Variants in LRP1 observed in about 807,000 individuals in gnomAD.
LRP1 encodes LDL receptor related protein 1, also known as prolow-density lipoprotein receptor-related protein 1.
In LRP1, 51 loss-of-function variants were observed where a neutral mutation model predicts 541.5. That is an observed-to-expected ratio of 0.09 (90% CI 0.08 to 0.12). LRP1 has a LOEUF of 0.12. LRP1 is among the 10% of genes least tolerant of loss of function. LRP1 has a pLI of 1.00. For missense variants in LRP1, 3,878 were observed against 6,376.2 expected (o/e 0.61, Z 13.34); for synonymous variants, 2,219 against 2,470.8 (o/e 0.90, Z 3.02).
In LRP1 at chr12:57,162,495, T is replaced by C; in HGVS notation, c.2381T>C (p.Met794Thr). The change falls in exon 14 of 89, where the codon ATG becomes ACG. Residue 794 changes from methionine (M) to threonine (T), a missense_variant. By Grantham distance (81) the Met-to-Thr change is moderately conservative (BLOSUM62 -1). Transcript: ENST00000243077. This position sits in a 1 kb window ranked among gnomAD's most constrained non-coding sequence, Gnocchi z 5.2. The stretch of plus-strand genomic sequence containing the variant: ...CGGCCCCCCATCTTTGAGATCCGAA[T>C]GTATGATGCCCAGCAGCAGCAAGGT... ...SERPPIFEIR[M>T]YDAQQQQVGT... 1 of 1,613,898 alleles carries C rather than the reference T, an allele frequency of 6.2e-7. No homozygotes were observed. Among genetic ancestry groups the C allele is most frequent in the Non-Finnish European group, 8.5e-7 (1 of 1,179,998 alleles).
Position 57,175,945 on chromosome 12 carries a change from A to G in LRP1, c.3830A>G (p.His1277Arg). ...CCGTTCATCATTTTCTCCAACCGCC[A>G]TGAAATCCGGCGCATCGATCTTCAC... The part of the protein sequence containing the change: ...FKPFIIFSNR[H>R]EIRRIDLHKG... The change falls in exon 24 of 89, where the codon CAT (histidine) becomes CGT (arginine). Residue 1277 changes from histidine to arginine, a missense_variant. Around this residue, in one of 13 missense-constraint regions of LRP1, gnomAD observed 320 missense variants for 547.9 expected, o/e 0.58. Coordinates refer to ENST00000243077, the MANE Select transcript of LRP1 (RefSeq NM_002332.3). The G allele has an allele frequency of 6.2e-7, 1 of 1,614,186 alleles. No individual in the cohort carries two copies. Among genetic ancestry groups the G allele is most frequent in the East Asian group, 2.2e-5 (1 of 44,884 alleles).
intron 24 of LRP1, among the ~76,000 whole-genome samples, chr12:57,176,709 A>G (rs995449183): frequency 1.6e-4 from 25 of 152,360 alleles, no homozygotes; most frequent in African/African-American, 6.0e-4. Context: ...GATGATATCC[A>G]CACTGTGCAA....
At chr12:57,198,031 C>G in intron 58 of LRP1, 125 bp from the exon 59 acceptor site, 1 of 774,316 alleles carries the variant, frequency 1.3e-6, no homozygotes, top group South Asian at 1.8e-5. Flanking sequence ...TTCCATGGTT[C>G]TCCCACCAGA....
rs543142394 is a variant in LRP1, at chr12:57,211,244, C to T, written c.12985C>T (p.Arg4329Cys). The T allele has an allele frequency of 4.3e-5, 69 of 1,614,224 alleles. No individual in the cohort carries two copies. Among genetic ancestry groups the T allele is most frequent in the Non-Finnish European group, 5.6e-5 (66 of 1,180,050 alleles). ...GGCTGCTGATGGCTCCCGACAATGC[C>T]GCTGCACTGCCTACTTTGAGGGATC... ...QMAADGSRQC[R>C]CTAYFEGSRC... is the part of the protein sequence containing the mutation. The change falls in exon 84 of 89, where the codon CGC (arginine) becomes TGC (cysteine). Residue 4329 changes from arginine to cysteine, a missense_variant. This residue lies in a region of LRP1 where 871 missense variants were observed against 1,212.4 expected (regional missense o/e 0.72). Coordinates refer to ENST00000243077, the MANE Select transcript of LRP1 (RefSeq NM_002332.3). This position sits in a 1 kb window ranked among gnomAD's most constrained non-coding sequence, Gnocchi z 4.3.
intron 1 of LRP1, among the ~76,000 whole-genome samples, chr12:57,137,297 G>A (rs1321826227): frequency 6.6e-6 from 1 of 152,022 alleles, no homozygotes; most frequent in Non-Finnish European, 1.5e-5. Flanking sequence ...TCCTCCTTGG[G>A]GGATGAGGGA....
chr12:57,170,833 T>TA (rs370513144), intron 20 of LRP1, among the ~76,000 whole-genome samples: 7 of 151,596 alleles, frequency 4.6e-5, no homozygotes, highest in Non-Finnish European at 1.0e-4. Context: ...AAAAAAAGTT[T>TA]AAAAAAAACT....
intron 19 of LRP1, among the ~76,000 whole-genome samples, chr12:57,168,823 C>G (rs906926304): frequency 3.3e-5 from 5 of 152,208 alleles, no homozygotes; most frequent in African/African-American, 1.2e-4. Context: ...GCCTTTCCCC[C>G]AAAAGCAAGC....
intron 2 of LRP1, among the ~76,000 whole-genome samples, chr12:57,139,198 CT>C (rs1379619021): frequency 6.6e-6 from 1 of 152,120 alleles, no homozygotes; most frequent in Admixed American, 6.5e-5. Context: ...GGTGGCTCCA[CT>C]TTTAGCCTCT....
Position 57,167,034 on chromosome 12 carries a change from T to C in LRP1, c.2902T>C (p.Ser968Pro), listed in dbSNP as rs1450779069. 2 of 1,613,490 alleles carry C rather than the reference T, an allele frequency of 1.2e-6. No homozygotes were observed. Among genetic ancestry groups the C allele is most frequent in the Non-Finnish European group, 1.7e-6 (2 of 1,179,770 alleles). The change falls in exon 18 of 89, where the codon TCT becomes CCT. Residue 968 changes from serine to proline, a missense_variant. Ser to Pro is a moderately conservative substitution (Grantham distance 74). This residue lies in a region of LRP1 where 320 missense variants were observed against 547.9 expected (regional missense o/e 0.58). Transcript: ENST00000243077. Reference protein sequence around the residue: ...DDDCGDRSDESASCAYPTCFP... With the variant: ...DDDCGDRSDEPASCAYPTCFP... ...CGACTGTGGGGACCGCTCTGATGAG[T>C]CTGCTTCGTGTGGTAAGAGGGATGG...
At chr12:57,210,659 G>A (rs1415478912) in intron 82 of LRP1, 59 bp from the exon 83 acceptor site, 1 of 1,562,698 alleles carries the variant, frequency 6.4e-7, no homozygotes, top group Non-Finnish European at 8.7e-7. Context: ...CCATTCCTCT[G>A]CTATAGGGCC....
At position 57,179,471 on chromosome 12, in the gene LRP1, G is replaced by A; in HGVS notation, c.4881G>A (p.Gln1627=). 1 of 1,614,210 alleles carries A rather than the reference G, an allele frequency of 6.2e-7. No homozygotes were observed. Among genetic ancestry groups the A allele is most frequent in the Non-Finnish European group, 8.5e-7 (1 of 1,180,022 alleles). ...VTVLDYDARE[Q]RVYWSDVRTQ... is the part of the protein sequence containing the mutation. ...TGCTAGACTACGATGCCCGCGAGCA[G>A]CGTGTGTACTGGTCTGACGTGCGGA... Residue 1627 remains glutamine, a synonymous_variant, in exon 29 of 89, where the codon CAG becomes CAA. Transcript: ENST00000243077. This position sits in a 1 kb window ranked among gnomAD's most constrained non-coding sequence, Gnocchi z 6.8.
rs1245243221 is a variant in LRP1 at position 57,165,332 on chromosome 12, A to G, written c.2531-473A>G. ...CCAAGACAGATAGTGATGGTGAGGC[A>G]TACGTTCTGGGGACAGGATGGGTGG... On this transcript the variant is annotated intron_variant, in intron 15 of 88. Transcript: ENST00000243077. This position sits in a 1 kb window ranked among gnomAD's most constrained non-coding sequence, Gnocchi z 4.5. 6.3e-6 allele frequency: 1 copy of G among 159,660 alleles called. No individual in the cohort carries two copies. Among genetic ancestry groups the G allele is most frequent in the Non-Finnish European group, 1.4e-5 (1 of 72,066 alleles). 9.9% of individuals were successfully genotyped at this position (159,660 alleles called of 1,614,324 possible).
chr12:57,143,147 T>A (rs906231945), intron 3 of LRP1, among the ~76,000 whole-genome samples: 1 of 152,108 alleles, frequency 6.6e-6, no homozygotes, highest in East Asian at 1.9e-4. Flanking sequence ...CCAGTTTTGC[T>A]CCTCCTTCCT....
chr12:57,205,259 G>C lies in LRP1; in HGVS notation c.11335+10G>C, dbSNP rs202038799. The C allele has an allele frequency of 1.2e-5, 20 of 1,607,012 alleles. No individual in the cohort carries two copies. Among genetic ancestry groups the C allele is most frequent in the Non-Finnish European group, 1.6e-5 (19 of 1,175,378 alleles). On this transcript the variant is annotated intron_variant, in intron 73 of 88. Transcript: ENST00000243077. The surrounding 1 kb of genome is among the most constrained non-coding windows in gnomAD (Gnocchi z 4.6). ...GAGGACTGCAGCATCGGTGAGGCCC[G>C]GCAGCGGACCGGACGCTGGTGGGGA...
chr12:57,202,752 G>A (rs551920334), intron 68 of LRP1: 20 of 599,420 alleles, frequency 3.3e-5, no homozygotes, highest in Admixed American at 5.7e-5. Context: ...CTGTCCTCTC[G>A]GGGTTGCAGA....
chr12:57,152,130 T>TG (rs1218910998), intron 6 of LRP1, among the ~76,000 whole-genome samples: 6 of 151,892 alleles, frequency 4.0e-5, no homozygotes, highest in Non-Finnish European at 7.4e-5. Flanking sequence ...ATCCTGAGGC[T>TG]GGGGGGGCTG....
chr12:57,185,610 C>T lies in LRP1; in HGVS notation c.6543C>T (p.Ala2181=). The change falls in exon 41 of 89, where the codon GCC becomes GCT. Residue 2181 remains alanine, a synonymous_variant. Coordinates refer to ENST00000243077, the MANE Select transcript of LRP1 (RefSeq NM_002332.3). The surrounding 1 kb of genome is among the most constrained non-coding windows in gnomAD (Gnocchi z 4.9). ...LYRGRGQRAC[A]CAHGMLAEDG... is the part of the protein sequence containing the mutation. ...GGGGCCGTGGGCAGCGGGCCTGCGCCTGTGCCCACGGGATGCTGGCTGAAG... is the reference window on the plus strand; with the variant it reads ...GGGGCCGTGGGCAGCGGGCCTGCGCTTGTGCCCACGGGATGCTGGCTGAAG... 1 of 1,610,320 alleles carries T rather than the reference C, an allele frequency of 6.2e-7. No homozygotes were observed. The highest frequency in any genetic ancestry group is 8.5e-7 in the Non-Finnish European group (1 of 1,179,772).
intron 13 of LRP1, among the ~76,000 whole-genome samples, chr12:57,161,768 C>T (rs1380289373): frequency 6.6e-6 from 1 of 152,084 alleles, no homozygotes; most frequent in Non-Finnish European, 1.5e-5. Context: ...GCAGACTGCT[C>T]AGGGGCTACC....
chr12:57,183,050 A>T lies in LRP1; in HGVS notation c.5663-329A>T, dbSNP rs991828339. 6.6e-6 allele frequency among the ~76,000 whole-genome samples: 1 copy of T among 152,206 alleles called. No homozygotes were observed. Among genetic ancestry groups the T allele is most frequent in the Non-Finnish European group, 1.5e-5 (1 of 68,034 alleles). ...TCCTGATTGTCTGGTCTGAACTCCC[A>T]GACTTTCCCTAAGGAACTTGCAGGG... On this transcript the variant is annotated intron_variant, in intron 34 of 88. Coordinates refer to ENST00000243077, the MANE Select transcript of LRP1 (RefSeq NM_002332.3). This position sits in a 1 kb window ranked among gnomAD's most constrained non-coding sequence, Gnocchi z 6.1.
Sources: allele counts gnomAD v4.1 joint callset (sites outside exome capture counted in the v4.1 genomes callset), GRCh38; gene constraint gnomAD v4.1.1; regional missense constraint gnomAD v4.1.1; non-coding constraint Gnocchi (gnomAD v3.1); transcripts MANE v1.5; gene names NCBI Gene and HGNC (gene_info 2026-07-23, HGNC 2026-07-21).